Variants in KIRREL3 observed in about 807,000 individuals in gnomAD.
KIRREL3 encodes kin of IRRE-like protein 3.
A neutral mutation model predicts 89.7 loss-of-function variants in KIRREL3; 36 were observed. That is an observed-to-expected ratio of 0.40 (90% CI 0.31 to 0.53). The LOEUF (loss-of-function observed/expected upper bound fraction) is 0.53. Ranked by LOEUF, KIRREL3 falls within the 20% of genes least tolerant of loss-of-function variation. KIRREL3 has a pLI of 0.49. For missense variants in KIRREL3, 864 were observed against 1,056.6 expected (o/e 0.82, Z 2.53); for synonymous variants, 445 against 441.4 (o/e 1.01, Z -0.10).
At chr11:126,875,582 CA>C (rs1232003967) in intron 1 of KIRREL3, among the ~76,000 whole-genome samples, 2 of 152,160 alleles carry the variant, frequency 1.3e-5, no homozygotes, top group Non-Finnish European at 2.9e-5. Flanking sequence ...TGGCTTTTAT[CA>C]GATAATTAAG....
rs115488712 is a variant in KIRREL3, at chr11:126,890,529, G to T, written c.55+109926C>A. Among the ~76,000 whole-genome samples the T allele has an allele frequency of 4.4e-3, 672 of 152,312 alleles. 1 individual carries two copies. Among genetic ancestry groups the T allele is most frequent in the African/African-American group, 0.014 (580 of 41,564 alleles). On this transcript the variant is annotated intron_variant, in intron 1 of 16. Coordinates refer to ENST00000525144, the MANE Select transcript of KIRREL3 (RefSeq NM_032531.4). This position sits in a 1 kb window ranked among gnomAD's most constrained non-coding sequence, Gnocchi z 5.1. ...TCATCAAGCACTTTGCCATTTAATG[G>T]TGACCAAATCCCTCCAGTTTTCTGC... is the stretch of plus-strand genomic sequence containing the variant.
chr11:126,568,475 A>G lies in KIRREL3; in HGVS notation c.56-5563T>C, dbSNP rs553138454. Among the ~76,000 whole-genome samples, 5 of 152,264 alleles carry G rather than the reference A, an allele frequency of 3.3e-5. No individual in the cohort carries two copies. In the South Asian group the frequency reaches 1.0e-3, roughly 32 times the overall value. ...TCATCCCTGCCACGTTGACATAGAG[A>G]GCAGGGGAGGGGCTGAAAAAATAGC... On this transcript the variant is annotated intron_variant, in intron 1 of 16. Coordinates refer to ENST00000525144, the MANE Select transcript of KIRREL3 (RefSeq NM_032531.4). The surrounding 1 kb of genome is among the most constrained non-coding windows in gnomAD (Gnocchi z 4.6).
At position 126,830,046 on chromosome 11, in the gene KIRREL3, A is replaced by G. The variant is rs1249350337; in HGVS notation, c.55+170409T>C. On this transcript the variant is annotated intron_variant, in intron 1 of 16. Transcript: ENST00000525144. The surrounding 1 kb of genome is among the most constrained non-coding windows in gnomAD (Gnocchi z 4.9). Reference sequence around the variant, plus strand: ...CTTTCAAGGTACAAAAATAAATCCAAGAGTATGGCATTAATAGCCATGTTA... The same window carrying G: ...CTTTCAAGGTACAAAAATAAATCCAGGAGTATGGCATTAATAGCCATGTTA... Among the ~76,000 whole-genome samples the G allele has an allele frequency of 6.6e-6, 1 of 152,192 alleles. No individual in the cohort carries two copies. Among genetic ancestry groups the G allele is most frequent in the Non-Finnish European group, 1.5e-5 (1 of 68,028 alleles).
intron 1 of KIRREL3, chr11:126,936,726 T>G (rs887352769): frequency 1.3e-5 from 2 of 152,160 alleles, no homozygotes; most frequent in African/African-American, 4.8e-5. Flanking sequence ...CAATAGAGTA[T>G]AGAATTGTAG....
intron 1 of KIRREL3, among the ~76,000 whole-genome samples, chr11:126,670,752 G>A (rs1362150138): frequency 6.6e-6 from 1 of 152,140 alleles, no homozygotes; most frequent in Non-Finnish European, 1.5e-5. Flanking sequence ...TGTCTTTAAC[G>A]AAGAAAAAAT....
At chr11:126,437,905 TCACACACACAAGTA>T (rs926117527) in intron 11 of KIRREL3, among the ~76,000 whole-genome samples, 12 of 152,154 alleles carry the variant, frequency 7.9e-5, no homozygotes, top group African/African-American at 2.9e-4. Flanking sequence ...CACCATGTGC[TCACACACACAAGTA>T]CACACACTAC....
intron 1 of KIRREL3, among the ~76,000 whole-genome samples, chr11:126,880,742 A>G (rs1945465871): frequency 6.6e-6 from 1 of 151,952 alleles, no homozygotes; most frequent in Non-Finnish European, 1.5e-5. Flanking sequence ...ATCTAAGTAT[A>G]TTTATGGAAA....
At position 126,817,514 on chromosome 11, in the gene KIRREL3, C is replaced by A. The variant is rs142903771; in HGVS notation, c.55+182941G>T. On this transcript the variant is annotated intron_variant, in intron 1 of 16. Coordinates refer to ENST00000525144, the MANE Select transcript of KIRREL3 (RefSeq NM_032531.4). This position sits in a 1 kb window ranked among gnomAD's most constrained non-coding sequence, Gnocchi z 5.7. Reference sequence around the variant, plus strand: ...ATTTCTCCCACCAATCAGGCATTAGCATCCCCAGTCCTCTGGTGTCCTATG... The same window carrying A: ...ATTTCTCCCACCAATCAGGCATTAGAATCCCCAGTCCTCTGGTGTCCTATG... 3.0e-4 allele frequency among the ~76,000 whole-genome samples: 46 copies of A among 152,318 alleles called. 1 individual carries two copies. The East Asian group carries it at 7.5e-3, about 25-fold the overall frequency.
At chr11:126,511,441 C>T (rs1177179306) in intron 4 of KIRREL3, among the ~76,000 whole-genome samples, 3 of 152,224 alleles carry the variant, frequency 2.0e-5, no homozygotes, top group African/African-American at 7.2e-5. Flanking sequence ...GGTCCCCTCA[C>T]AGCAGCAAGA....
At position 126,997,942 on chromosome 11, in the gene KIRREL3, G is replaced by C. The variant is rs1186467428; in HGVS notation, c.55+2513C>G. Among the ~76,000 whole-genome samples, 1 of 152,120 alleles carries C rather than the reference G, an allele frequency of 6.6e-6. No individual in the cohort carries two copies. The highest frequency in any genetic ancestry group is 2.4e-5 in the African/African-American group (1 of 41,404). On this transcript the variant is annotated intron_variant, in intron 1 of 16. Coordinates refer to ENST00000525144, the MANE Select transcript of KIRREL3 (RefSeq NM_032531.4). This position sits in a 1 kb window ranked among gnomAD's most constrained non-coding sequence, Gnocchi z 4.3. ...GGGTCTCTTCACATTTCCTGGGAGA[G>C]GCATCCCAGCATGCAGGAGGCAGGG...
chr11:126,968,522 T>G (rs1028838982), intron 1 of KIRREL3, among the ~76,000 whole-genome samples: 2 of 152,204 alleles, frequency 1.3e-5, no homozygotes, highest in African/African-American at 2.4e-5. Context: ...CATTCATTGC[T>G]GCCATCAAAG....
At position 126,983,933 on chromosome 11, in the gene KIRREL3, G is replaced by A. The variant is rs940007280; in HGVS notation, c.55+16522C>T. Among the ~76,000 whole-genome samples the A allele has an allele frequency of 1.3e-5, 2 of 151,970 alleles. No homozygotes were observed. Among genetic ancestry groups the A allele is most frequent in the Admixed American group, 6.5e-5 (1 of 15,268 alleles). ...TTAACTATTTTTACTTCTCCCAAAA[G>A]TAGTACATATCTAGTATCATTTTAG... On this transcript the variant is annotated intron_variant, in intron 1 of 16. Transcript: ENST00000525144. The surrounding 1 kb of genome is among the most constrained non-coding windows in gnomAD (Gnocchi z 4.9).
In KIRREL3 at chr11:126,424,500, C is replaced by G. The variant is rs1591510064; in HGVS notation, c.*80G>C. 3 of 1,413,662 alleles carry G rather than the reference C, an allele frequency of 2.1e-6. No individual in the cohort carries two copies. Among genetic ancestry groups the G allele is most frequent in the Non-Finnish European group, 2.9e-6 (3 of 1,028,668 alleles). 87.6% of individuals were successfully genotyped at this position (1,413,662 alleles called of 1,614,324 possible). A position where few individuals can be genotyped will look rare whatever the true frequency, so the allele number is the denominator to read the frequency against. On this transcript the variant is annotated 3_prime_UTR_variant, in exon 17 of 17. Transcript: ENST00000525144. The stretch of plus-strand genomic sequence containing the variant: ...AAGTGGCCAATTCTGGTGTCCTCTG[C>G]AAAGTACCCCTCGTCCCTGGACAAC...
chr11:126,836,042 G>A (rs1487171719), intron 1 of KIRREL3, among the ~76,000 whole-genome samples: 1 of 152,176 alleles, frequency 6.6e-6, no homozygotes, highest in Non-Finnish European at 1.5e-5. Flanking sequence ...GACTCCAGGG[G>A]AAGAAGATGG....
rs115320100 is a variant in KIRREL3, at chr11:126,432,022, C to T, written c.1589-496G>A. 6.6e-3 allele frequency among the ~76,000 whole-genome samples: 1,010 copies of T among 152,254 alleles called. 10 individuals carry two copies. Among genetic ancestry groups the T allele is most frequent in the African/African-American group, 0.021 (883 of 41,536 alleles). The stretch of plus-strand genomic sequence containing the variant: ...TTCTCGGGTGAATATAGAGGACATC[C>T]GGCTCTTAGTGTTTGCAGGTCTAAG... On this transcript the variant is annotated intron_variant, in intron 13 of 16. Coordinates refer to ENST00000525144, the MANE Select transcript of KIRREL3 (RefSeq NM_032531.4). The surrounding 1 kb of genome is among the most constrained non-coding windows in gnomAD (Gnocchi z 6.2).
chr11:126,772,017 G>A lies in KIRREL3; in HGVS notation c.56-209105C>T, dbSNP rs1207517796. Among the ~76,000 whole-genome samples, 1 of 152,200 alleles carries A rather than the reference G, an allele frequency of 6.6e-6. No homozygotes were observed. The highest frequency in any genetic ancestry group is 1.9e-4 in the East Asian group (1 of 5,182). On this transcript the variant is annotated intron_variant, in intron 1 of 16. Coordinates refer to ENST00000525144, the MANE Select transcript of KIRREL3 (RefSeq NM_032531.4). The surrounding 1 kb of genome is among the most constrained non-coding windows in gnomAD (Gnocchi z 4.6). ...GCTTTCTGTCTGAGGTAGAGGAGAG[G>A]AGGCACTGTCGGGAAACCATGACCT...
intron 1 of KIRREL3, among the ~76,000 whole-genome samples, chr11:126,875,823 T>A (rs994661945): frequency 6.6e-6 from 1 of 152,174 alleles, no homozygotes; most frequent in South Asian, 2.1e-4. Context: ...TGTATCTACA[T>A]AATAAAAATG....
intron 1 of KIRREL3, among the ~76,000 whole-genome samples, chr11:126,929,154 G>A (rs775279162): frequency 3.3e-5 from 5 of 152,136 alleles, no homozygotes; most frequent in Admixed American, 6.5e-5. Flanking sequence ...GAGGAGAAAA[G>A]GCACAAGAGA....
At position 126,954,738 on chromosome 11, in the gene KIRREL3, G is replaced by T. The variant is rs184210898; in HGVS notation, c.55+45717C>A. 6.6e-6 allele frequency among the ~76,000 whole-genome samples: 1 copy of T among 152,124 alleles called. No individual in the cohort carries two copies. The stretch of plus-strand genomic sequence containing the variant: ...AGTAGTCATATATTGAGTTCCTACC[G>T]TGGTAGGCTTCATCCCTGTAGATGG... On this transcript the variant is annotated intron_variant, in intron 1 of 16. Coordinates refer to ENST00000525144, the MANE Select transcript of KIRREL3 (RefSeq NM_032531.4). The surrounding 1 kb of genome is among the most constrained non-coding windows in gnomAD (Gnocchi z 4.1).
Sources: gnomAD v4.1 joint callset for allele counts (sites outside exome capture counted in the v4.1 genomes callset) on GRCh38, gnomAD v4.1.1 for gene constraint, Gnocchi (gnomAD v3.1) non-coding constraint, MANE v1.5 for transcripts, NCBI Gene and HGNC (gene_info 2026-07-23, HGNC 2026-07-21) for gene names.